Variants in RHBDL2 observed in about 807,000 individuals in gnomAD.
RHBDL2 encodes rhomboid-related protein 2.
RHBDL2 carries 26 observed loss-of-function variants against 31.7 expected under a neutral mutation model. That is an observed-to-expected ratio of 0.82 (90% CI 0.60 to 1.14). RHBDL2 has a LOEUF of 1.14. Among genes scored for constraint, RHBDL2 ranks in the 50% most tolerant of loss-of-function variants. The pLI, the probability that RHBDL2 is intolerant of heterozygous loss-of-function variation, is 0.00. For synonymous variants in RHBDL2, 123 were observed against 127.2 expected, an observed-to-expected ratio of 0.97 and a Z score of 0.22; for missense variants, 336 against 364.4, an observed-to-expected ratio of 0.92 and a Z score of 0.63.
intron 3 of RHBDL2, among the ~76,000 whole-genome samples, chr1:38,914,376 A>G (rs1451350333): frequency 5.9e-5 from 9 of 151,824 alleles, no homozygotes; most frequent in African/African-American, 2.2e-4. Context: ...TGAGTAGCTG[A>G]GATTACAAGC....
At chr1:38,913,548 C>G (rs1323937176) in intron 3 of RHBDL2, 1 of 148,032 alleles carries the variant, frequency 6.8e-6, no homozygotes, top group Non-Finnish European at 1.5e-5. Flanking sequence ...AGAGCACTCT[C>G]TATGTTGCCC....
At chr1:38,888,314 C>A (rs548107771) in intron 6 of RHBDL2, among the ~76,000 whole-genome samples, 1 of 151,864 alleles carries the variant, frequency 6.6e-6, no homozygotes, top group East Asian at 1.9e-4. Flanking sequence ...ACAGATCTAA[C>A]AGCCCTGACT....
At chr1:38,894,645 T>A (rs1259002195) in intron 5 of RHBDL2, among the ~76,000 whole-genome samples, 2 of 151,952 alleles carry the variant, frequency 1.3e-5, no homozygotes, top group African/African-American at 4.8e-5. Flanking sequence ...ACAAAAAAAA[T>A]TTACACAAAT....
At chr1:38,928,751 A>G (rs1463852433) in intron 1 of RHBDL2, among the ~76,000 whole-genome samples, 1 of 150,968 alleles carries the variant, frequency 6.6e-6, no homozygotes, top group Non-Finnish European at 1.5e-5. Flanking sequence ...TGGCCATGTA[A>G]AAAAAAAATT....
intron 1 of RHBDL2, among the ~76,000 whole-genome samples, chr1:38,920,207 A>T (rs1302660107): frequency 8.6e-6 from 1 of 116,118 alleles, no homozygotes; most frequent in Non-Finnish European, 1.6e-5. Flanking sequence ...TCGCTCTGTC[A>T]CCCAGGCTGG....
chr1:38,912,765 A>T (rs1483187390), intron 3 of RHBDL2, among the ~76,000 whole-genome samples: 1 of 151,388 alleles, frequency 6.6e-6, no homozygotes, highest in Non-Finnish European at 1.5e-5. Flanking sequence ...GCACAGTGAA[A>T]ATTATAGCCA....
chr1:38,909,967 A>G (rs1247352421), intron 4 of RHBDL2, among the ~76,000 whole-genome samples: 1 of 152,186 alleles, frequency 6.6e-6, no homozygotes, highest in African/African-American at 2.4e-5. Context: ...CAATGAGTGA[A>G]TGGTTAAACA....
intron 4 of RHBDL2, among the ~76,000 whole-genome samples, chr1:38,896,886 A>G (rs907322202): frequency 6.6e-6 from 1 of 152,158 alleles, no homozygotes; most frequent in African/African-American, 2.4e-5. Context: ...ACAAAACAAT[A>G]CAGTACCTAT....
chr1:38,906,556 C>T (rs1315977490), intron 4 of RHBDL2, among the ~76,000 whole-genome samples: 2 of 152,020 alleles, frequency 1.3e-5, no homozygotes, highest in Non-Finnish European at 2.9e-5. Context: ...CACCTGTAGT[C>T]CCAGCTACTC....
At chr1:38,911,262 A>G in intron 4 of RHBDL2, 60 bp downstream of exon 4, 1 of 1,131,526 alleles carries the variant, frequency 8.8e-7, no homozygotes, top group South Asian at 1.3e-5. Context: ...TGTGTATTTC[A>G]TTTGCTTTTA....
At chr1:38,933,463 A>C (rs1643459405) in intron 1 of RHBDL2, among the ~76,000 whole-genome samples, 1 of 152,200 alleles carries the variant, frequency 6.6e-6, no homozygotes, top group African/African-American at 2.4e-5. Flanking sequence ...CTGCTAGAAT[A>C]TGACCTCCAC....
At chr1:38,925,892 A>G (rs1451745161) in intron 1 of RHBDL2, 2 of 1,211,670 alleles carry the variant, frequency 1.7e-6, no homozygotes, top group Admixed American at 4.9e-5. Context: ...ACTAACAGGC[A>G]AAGCCAATCA....
intron 4 of RHBDL2, among the ~76,000 whole-genome samples, chr1:38,908,655 C>A (rs1643101211): frequency 1.3e-5 from 2 of 152,048 alleles, no homozygotes; most frequent in African/African-American, 4.8e-5. Context: ...GCTCAAACCT[C>A]TGGGGGAGTA....
chr1:38,932,462 GTTAT>G (rs1643448715), intron 1 of RHBDL2, among the ~76,000 whole-genome samples: 1 of 152,028 alleles, frequency 6.6e-6, no homozygotes, highest in African/African-American at 2.4e-5. Flanking sequence ...TGGTTTTTCT[GTTAT>G]TTGTTTGTTT....
chr1:38,928,372 G>C (rs565841391), intron 1 of RHBDL2, among the ~76,000 whole-genome samples: 21 of 152,118 alleles, frequency 1.4e-4, no homozygotes, highest in Admixed American at 1.0e-3. Flanking sequence ...TCAATCTCCT[G>C]ACCTCTTGAT....
intron 1 of RHBDL2, among the ~76,000 whole-genome samples, chr1:38,928,141 CTTTTTTT>C (rs1209464598): frequency 1.5e-5 from 2 of 130,358 alleles, no homozygotes; most frequent in South Asian, 5.0e-4. Context: ...TTTTTTCTTT[CTTTTTTT>C]TTTTTTTTTT....
intron 3 of RHBDL2, among the ~76,000 whole-genome samples, chr1:38,912,962 A>ATGTG (rs1643175691): frequency 3.8e-5 from 1 of 26,494 alleles, no homozygotes; most frequent in East Asian, 4.8e-4. Flanking sequence ...TTACATATAC[A>ATGTG]CGTGTGTGTG....
rs1460172380 is a variant in RHBDL2 at position 38,919,304 on chromosome 1, T to C, written c.-92A>G. Reference sequence around the variant, plus strand: ...CTCAGGCTGCCGCTCTTCCCTGGGCTGTCTGGCGCAACGACTGCTTTCCAA... The same window carrying C: ...CTCAGGCTGCCGCTCTTCCCTGGGCCGTCTGGCGCAACGACTGCTTTCCAA... On this transcript the variant is annotated 5_prime_UTR_variant, in exon 2 of 8. Transcript: ENST00000372990. 1 of 1,606,700 alleles carries C rather than the reference T, an allele frequency of 6.2e-7. No homozygotes were observed. The highest frequency in any genetic ancestry group is 8.5e-7 in the Non-Finnish European group (1 of 1,178,234).
chr1:38,931,685 G>A (rs146251429), intron 1 of RHBDL2, among the ~76,000 whole-genome samples: 1,531 of 151,454 alleles, frequency 0.01, 21 homozygotes, highest in African/African-American at 0.035. Context: ...GTTAGGCTCT[G>A]GAAACACATG....
Sources: gnomAD v4.1 joint callset for allele counts (sites outside exome capture counted in the v4.1 genomes callset) on GRCh38, gnomAD v4.1.1 for gene constraint, MANE v1.5 for transcripts, NCBI Gene and HGNC (gene_info 2026-07-23, HGNC 2026-07-21) for gene names.